Variants in IPPK observed in about 807,000 individuals in gnomAD.
IPPK encodes the protein IPK1 homolog.
In IPPK, 22 loss-of-function variants were observed where a neutral mutation model predicts 64.6. The observed-to-expected ratio is 0.34, with a 90% CI of 0.24 to 0.49. The LOEUF (loss-of-function observed/expected upper bound fraction) is 0.49. Among genes scored for constraint, IPPK ranks in the 20% least tolerant of loss-of-function variants. The pLI is 0.99. For synonymous variants in IPPK, 262 were observed against 247.2 expected, an observed-to-expected ratio of 1.06 and a Z score of -0.56; for missense variants, 532 against 630.7, an observed-to-expected ratio of 0.84 and a Z score of 1.68.
intron 12 of IPPK, 125 bp downstream of exon 12, chr9:92,619,361 G>A: frequency 1.3e-6 from 1 of 743,546 alleles, no homozygotes. Flanking sequence ...ATAGGCCAAG[G>A]AAGTTATGTC....
chr9:92,647,945 A>C (rs559180837), intron 6 of IPPK, 114 bp downstream of exon 6: 1 of 661,512 alleles, frequency 1.5e-6, no homozygotes, highest in East Asian at 2.8e-5. Flanking sequence ...ATAAAATGTC[A>C]ACTAAAAATA....
chr9:92,653,995 C>T (rs1377390518), intron 3 of IPPK, among the ~76,000 whole-genome samples: 1 of 152,234 alleles, frequency 6.6e-6, no homozygotes, highest in Non-Finnish European at 1.5e-5. Context: ...CAAAACCACA[C>T]AAGGCCGTCA....
At chr9:92,639,783 T>G (rs2131439615) in intron 8 of IPPK, among the ~76,000 whole-genome samples, 2 of 152,346 alleles carry the variant, frequency 1.3e-5, no homozygotes, top group South Asian at 4.1e-4. Context: ...ATGTCTTCCT[T>G]TCCTGGATTT....
chr9:92,642,208 C>G (rs953278428), intron 7 of IPPK, among the ~76,000 whole-genome samples: 2 of 152,274 alleles, frequency 1.3e-5, no homozygotes, highest in African/African-American at 4.8e-5. Flanking sequence ...CACAAAGGCT[C>G]TGGCCAGGAC....
At chr9:92,649,279 C>T (rs1852208788) in intron 5 of IPPK, among the ~76,000 whole-genome samples, 174 bp downstream of exon 5, 1 of 152,120 alleles carries the variant, frequency 6.6e-6, no homozygotes, top group African/African-American at 2.4e-5. Context: ...ATGGCAGGAA[C>T]CAGAACGCAG....
Position 92,635,882 on chromosome 9 carries a change from G to A in IPPK, c.917-574C>T, listed in dbSNP as rs1465750353. Reference sequence around the variant, plus strand: ...AAAACCCTGGGACACTGTCTGCAGAGTCCAGAGCCATGAGCCCACACTGAG... The same window carrying A: ...AAAACCCTGGGACACTGTCTGCAGAATCCAGAGCCATGAGCCCACACTGAG... On this transcript the variant is annotated intron_variant, in intron 9 of 12. Transcript: ENST00000287996. This position sits in a 1 kb window ranked among gnomAD's most constrained non-coding sequence, Gnocchi z 4.4. Among the ~76,000 whole-genome samples, 1 of 152,108 alleles carries A rather than the reference G, an allele frequency of 6.6e-6. No individual in the cohort carries two copies. Among genetic ancestry groups the A allele is most frequent in the African/African-American group, 2.4e-5 (1 of 41,412 alleles).
At position 92,615,853 on chromosome 9, in the gene IPPK, T is replaced by C. The variant is rs777427476; in HGVS notation, c.1455A>G (p.Thr485=). The C allele has an allele frequency of 1.2e-6, 2 of 1,613,786 alleles. No homozygotes were observed. Among genetic ancestry groups the C allele is most frequent in the Non-Finnish European group, 1.7e-6 (2 of 1,179,636 alleles). Residue 485 remains threonine, a synonymous_variant, in exon 13 of 13, where the codon ACA becomes ACG. Transcript: ENST00000287996. ...STRFKESEDC[T]LVLHKV ...AGAGTTAGACCTTGTGGAGAACTAA[T>C]GTGCAATCTTCGCTTTCCTTGAACC...
chr9:92,643,149 T>C (rs918368260), intron 6 of IPPK, among the ~76,000 whole-genome samples: 4 of 152,186 alleles, frequency 2.6e-5, no homozygotes, highest in Admixed American at 6.5e-5. Flanking sequence ...AGTTATAATA[T>C]CCAGTAACAG....
chr9:92,644,761 C>A (rs573498294), intron 6 of IPPK, among the ~76,000 whole-genome samples: 5 of 152,266 alleles, frequency 3.3e-5, no homozygotes, highest in African/African-American at 1.2e-4. Flanking sequence ...ACAGTAACAA[C>A]TACAAGAAGC....
intron 6 of IPPK, among the ~76,000 whole-genome samples, chr9:92,647,641 C>A (rs1380517086): frequency 6.6e-6 from 1 of 151,712 alleles, no homozygotes; most frequent in Non-Finnish European, 1.5e-5. Context: ...AGGAAGACAC[C>A]TTGCTTTGAA....
intron 11 of IPPK, chr9:92,619,851 G>A: frequency 2.2e-6 from 1 of 459,638 alleles, no homozygotes. Flanking sequence ...CGGATGATCT[G>A]TCTTCAGCAA....
chr9:92,628,342 A>G (rs1220697406), intron 11 of IPPK, among the ~76,000 whole-genome samples: 2 of 152,238 alleles, frequency 1.3e-5, no homozygotes, highest in African/African-American at 4.8e-5. Flanking sequence ...ATATGGAATT[A>G]CAAGAGGCTC....
At chr9:92,637,439 G>A (rs1249144820) in intron 9 of IPPK, among the ~76,000 whole-genome samples, 1 of 152,202 alleles carries the variant, frequency 6.6e-6, no homozygotes, top group African/African-American at 2.4e-5. Context: ...GTCTCTATGG[G>A]CTGCCAAGAA....
At chr9:92,654,153 ACCT>A (rs1271380181) in intron 3 of IPPK, among the ~76,000 whole-genome samples, 3 of 152,176 alleles carry the variant, frequency 2.0e-5, no homozygotes, top group African/African-American at 7.2e-5. Context: ...TGAAAAGCAG[ACCT>A]CGGTGGTTTA....
At chr9:92,632,017 C>T (rs75699383) in intron 11 of IPPK, among the ~76,000 whole-genome samples, 7,022 of 152,252 alleles carry the variant, frequency 0.046, 307 homozygotes, top group African/African-American at 0.1. Context: ...AACAAAGCCC[C>T]CTGGAGGTCC....
At chr9:92,665,058 G>C (rs1489125907) in intron 1 of IPPK, among the ~76,000 whole-genome samples, 9 of 152,110 alleles carry the variant, frequency 5.9e-5, no homozygotes, top group Admixed American at 5.9e-4. Context: ...AATAAACAAA[G>C]AGCGAGCCAC....
Position 92,656,565 on chromosome 9 carries a change from C to T in IPPK, c.130-14G>A, listed in dbSNP as rs750829320. 3.8e-6 allele frequency: 6 copies of T among 1,560,772 alleles called. No homozygotes were observed. Among genetic ancestry groups the T allele is most frequent in the African/African-American group, 2.7e-5 (2 of 73,912 alleles). On this transcript the variant is annotated splice_polypyrimidine_tract_variant and intron_variant, in intron 2 of 12. Coordinates refer to ENST00000287996, the MANE Select transcript of IPPK (RefSeq NM_022755.6). ...CTCTTCCGAGGTCTGTAAGAGACAA[C>T]CACAGGACAGCCTTCGTGATGGGAC...
intron 7 of IPPK, among the ~76,000 whole-genome samples, chr9:92,641,712 A>G (rs1252679584): frequency 1.3e-5 from 2 of 152,226 alleles, no homozygotes; most frequent in Admixed American, 1.3e-4. Flanking sequence ...GAAGTTTAAA[A>G]GAGCATCTAA....
chr9:92,630,764 T>G (rs1851824798), intron 11 of IPPK, among the ~76,000 whole-genome samples: 1 of 152,196 alleles, frequency 6.6e-6, no homozygotes, highest in African/African-American at 2.4e-5. Context: ...TTATATTGTG[T>G]GTGGACTGGG....
Sources: allele counts gnomAD v4.1 joint callset (sites outside exome capture counted in the v4.1 genomes callset), GRCh38; gene constraint gnomAD v4.1.1; non-coding constraint Gnocchi (gnomAD v3.1); transcripts MANE v1.5; gene names NCBI Gene and HGNC (gene_info 2026-07-23, HGNC 2026-07-21).